DMXL2: variants seen among roughly 807,000 people sequenced by gnomAD.
DMXL2 encodes the protein Dmx like 2, also known as dmX-like protein 2.
DMXL2 carries 103 observed loss-of-function variants against 331.1 expected under a neutral mutation model. The observed-to-expected ratio is 0.31, with a 90% CI of 0.27 to 0.37. The LOEUF is 0.37. Among genes scored for constraint, DMXL2 ranks in the 10% least tolerant of loss-of-function variants. The probability of loss-of-function intolerance (pLI) is 1.00; values close to 1 mark genes in which losing one functional copy is unlikely to be tolerated. For synonymous variants in DMXL2, 1,281 were observed against 1,252.1 expected (o/e 1.02, Z -0.49); for missense variants, 3,171 against 3,642.9 (o/e 0.87, Z 3.33).
At chr15:51,598,759 T>C (rs1045020116) in intron 1 of DMXL2, among the ~76,000 whole-genome samples, 8 of 152,232 alleles carry the variant, frequency 5.3e-5, no homozygotes, top group African/African-American at 1.9e-4. Flanking sequence ...GTGGCACTTC[T>C]GTTAATTTGC....
intron 42 of DMXL2, 137 bp from the exon 43 acceptor site, chr15:51,450,483 T>C (rs534570407): frequency 4.9e-5 from 42 of 858,474 alleles, no homozygotes; most frequent in Non-Finnish European, 6.3e-5. Flanking sequence ...TTGTAAGTCA[T>C]TGAATTTCTG....
intron 1 of DMXL2, among the ~76,000 whole-genome samples, chr15:51,614,284 T>C (rs2054154693): frequency 6.6e-6 from 1 of 152,200 alleles, no homozygotes; most frequent in South Asian, 2.1e-4. Context: ...AAAAAAAATC[T>C]GTTGTTTAAG....
intron 1 of DMXL2, among the ~76,000 whole-genome samples, chr15:51,613,164 T>C (rs2054086696): frequency 1.3e-5 from 2 of 152,194 alleles, no homozygotes; most frequent in Admixed American, 6.5e-5. Flanking sequence ...CACAGGGTCC[T>C]GAGGAGACAT....
chr15:51,608,117 G>A lies in DMXL2; in HGVS notation c.87+14342C>T, dbSNP rs8023277. On this transcript the variant is annotated intron_variant, in intron 1 of 43. Transcript: ENST00000560891. ...GGAGAACCACGTGAACCTGGGAGGC[G>A]GAGGTTGCAGTGAGCCAAGATCACA... 1.6e-4 allele frequency among the ~76,000 whole-genome samples: 25 copies of A among 152,040 alleles called. No individual in the cohort carries two copies. In the East Asian group the frequency reaches 2.1e-3, roughly 13 times the overall value.
chr15:51,508,536 C>A (rs12101730), intron 15 of DMXL2, among the ~76,000 whole-genome samples: 1 of 151,926 alleles, frequency 6.6e-6, no homozygotes, highest in Non-Finnish European at 1.5e-5. Context: ...CTGCAACTGA[C>A]TGAAATATCC....
intron 6 of DMXL2, among the ~76,000 whole-genome samples, chr15:51,562,992 T>C (rs1011765280): frequency 6.6e-6 from 1 of 152,100 alleles, no homozygotes; most frequent in Non-Finnish European, 1.5e-5. Flanking sequence ...TAGCAAAATA[T>C]TCAACTTGAC....
At chr15:51,548,808 A>C (rs888373183) in intron 6 of DMXL2, among the ~76,000 whole-genome samples, 5 of 152,144 alleles carry the variant, frequency 3.3e-5, no homozygotes, top group Non-Finnish European at 5.9e-5. Flanking sequence ...AAAAACTTCT[A>C]AATTACAGGG....
chr15:51,592,181 C>T (rs1378010689), intron 1 of DMXL2, among the ~76,000 whole-genome samples: 1 of 150,448 alleles, frequency 6.6e-6, no homozygotes, highest in South Asian at 2.1e-4. Context: ...AAAAAATAGA[C>T]GAATGGCTAA....
At chr15:51,595,413 A>T (rs973100332) in intron 1 of DMXL2, among the ~76,000 whole-genome samples, 1 of 152,226 alleles carries the variant, frequency 6.6e-6, no homozygotes, top group African/African-American at 2.4e-5. Flanking sequence ...TGCTCAATGA[A>T]ATAAAAGAGG....
chr15:51,450,522 G>A, intron 42 of DMXL2, 176 bp from the exon 43 acceptor site: 1 of 647,220 alleles, frequency 1.5e-6, no homozygotes, highest in South Asian at 2.0e-5. Flanking sequence ...AAAATGTTAA[G>A]CAATGTCAGA....
At chr15:51,618,975 C>T (rs2054464699) in intron 1 of DMXL2, among the ~76,000 whole-genome samples, 3 of 152,160 alleles carry the variant, frequency 2.0e-5, no homozygotes, top group Admixed American at 1.3e-4. Flanking sequence ...TGCCCCTATA[C>T]ATCTCAAAAT....
In DMXL2 at chr15:51,450,156, G is replaced by T. The variant is rs538594123; in HGVS notation, c.8940C>A (p.Thr2980=). Residue 2980 remains threonine (T), a synonymous_variant, in exon 43 of 44, where the codon ACC becomes ACA. Coordinates refer to ENST00000560891, the MANE Select transcript of DMXL2 (RefSeq NM_001378457.1). ...LALDPYEEYF[T]TGSAEGNIKV... is the part of the protein sequence containing the mutation. Reference sequence around the variant, plus strand: ...TTATGTTACCTTCTGCTGAACCTGTGGTAAAATATTCCTCATAGGGATCCA... The same window carrying T: ...TTATGTTACCTTCTGCTGAACCTGTTGTAAAATATTCCTCATAGGGATCCA... The T allele has an allele frequency of 1.9e-6, 3 of 1,613,868 alleles. No homozygotes were observed. The Admixed American group carries it at 5.0e-5, about 27-fold the overall frequency.
chr15:51,506,415 G>T (rs1267767433), intron 16 of DMXL2, among the ~76,000 whole-genome samples: 1 of 150,022 alleles, frequency 6.7e-6, no homozygotes, highest in Non-Finnish European at 1.5e-5. Context: ...ATAAGTCTCA[G>T]GCACTCAATC....
At chr15:51,474,979 C>T (rs1365841696) in intron 27 of DMXL2, among the ~76,000 whole-genome samples, 1 of 151,982 alleles carries the variant, frequency 6.6e-6, no homozygotes, top group Non-Finnish European at 1.5e-5. Context: ...TTTACACAGT[C>T]TCAAACTAAC....
chr15:51,538,401 C>T lies in DMXL2; in HGVS notation c.1157G>A (p.Gly386Glu), dbSNP rs1210196087. The change falls in exon 10 of 44, where the codon GGG becomes GAG. Residue 386 changes from glycine (G) to glutamate (E), a missense_variant. Physicochemically the swap from Gly to Glu is moderately conservative, Grantham distance 98. Transcript: ENST00000560891. The stretch of plus-strand genomic sequence containing the variant: ...GTTTAACCAATGAACTACAAAGCCC[C>T]CATTTCCATCATCAACATTAAATGC... ...GTAFNVDDGNGGFVVHWLNNK... is the reference protein window; with the variant it reads ...GTAFNVDDGNEGFVVHWLNNK... The T allele has an allele frequency of 2.5e-6, 4 of 1,612,434 alleles. No homozygotes were observed. In the Admixed American group the frequency reaches 6.7e-5, roughly 27 times the overall value.
Position 51,547,312 on chromosome 15 carries a change from T to C in DMXL2, c.664A>G (p.Thr222Ala), listed in dbSNP as rs779680817. ...HHEVKRRQSS[T>A]QFSFVYLAHP... ...GCCAAGTAAACAAAAGAAAATTGAG[T>C]AGAGGACTGTCTCCTTTTTACTTCA... Residue 222 changes from threonine to alanine, a missense_variant, in exon 7 of 44, where the codon ACT becomes GCT. Coordinates refer to ENST00000560891, the MANE Select transcript of DMXL2 (RefSeq NM_001378457.1). The C allele has an allele frequency of 6.2e-7, 1 of 1,613,092 alleles. No homozygotes were observed.
chr15:51,550,954 T>C (rs949680367), intron 6 of DMXL2, among the ~76,000 whole-genome samples: 2 of 152,136 alleles, frequency 1.3e-5, no homozygotes, highest in Non-Finnish European at 2.9e-5. Context: ...TTAAAAATCC[T>C]GGAAGTAATT....
chr15:51,476,075 T>C (rs766102595), intron 27 of DMXL2, among the ~76,000 whole-genome samples: 5 of 152,158 alleles, frequency 3.3e-5, no homozygotes, highest in Non-Finnish European at 4.4e-5. Context: ...ATCTGAAATA[T>C]ACACTTAGGA....
chr15:51,561,113 G>A (rs78179620), intron 6 of DMXL2, among the ~76,000 whole-genome samples: 1,764 of 152,104 alleles, frequency 0.012, 27 homozygotes, highest in East Asian at 0.026. Flanking sequence ...ATGAATAAGT[G>A]GACAACAGTA....
Sources: allele counts gnomAD v4.1 joint callset (sites outside exome capture counted in the v4.1 genomes callset), GRCh38; gene constraint gnomAD v4.1.1; transcripts MANE v1.5; gene names NCBI Gene and HGNC (gene_info 2026-07-23, HGNC 2026-07-21).